TF: variants seen among roughly 807,000 people sequenced by gnomAD.
The protein encoded by TF is serotransferrin.
A neutral mutation model predicts 82.4 loss-of-function variants in TF; 55 were observed. The observed-to-expected ratio is 0.67, with a 90% CI of 0.54 to 0.84. The LOEUF (loss-of-function observed/expected upper bound fraction) is 0.84. Ranked by LOEUF, TF falls within the 40% of genes least tolerant of loss-of-function variation. The pLI is 0.00. For missense variants in TF, 737 were observed against 868.4 expected, an observed-to-expected ratio of 0.85 and a Z score of 1.90; for synonymous variants, 332 against 332.6, an observed-to-expected ratio of 1.00 and a Z score of 0.02.
Position 133,784,473 on chromosome 3 carries a change from ATAATAATAATAAT to A in TF, c.*5854_*5866del, listed in dbSNP as rs1934603009. The A allele has an allele frequency of 7.4e-6, 1 of 135,714 alleles. No homozygotes were observed. Among genetic ancestry groups the A allele is most frequent in the African/African-American group, 2.7e-5 (1 of 37,056 alleles). 8.4% of individuals were successfully genotyped at this position (135,714 alleles called of 1,614,324 possible). A position where few individuals can be genotyped will look rare whatever the true frequency, so the allele number is the denominator to read the frequency against. On this transcript the variant is annotated 3_prime_UTR_variant, in exon 17 of 17. Transcript: ENST00000402696. ...TTGTAAATTCCCATTTGTTAAAAAA[ATAATAATAATAAT>A]AATAATAATAATAATAATAATAGGA...
chr3:133,700,732 G>A, the TF span: 2 of 152,464 alleles, frequency 1.3e-5, no homozygotes, highest in South Asian at 2.1e-4. Flanking sequence ...CCCTCACCAT[G>A]AGCCAGGGAT....
At chr3:133,663,865 A>C in the TF span, among the ~76,000 whole-genome samples, 2 of 152,110 alleles carry the variant, frequency 1.3e-5, no homozygotes, top group Non-Finnish European at 2.9e-5. Flanking sequence ...AAGAAAATGC[A>C]CCCTTTAGCT....
chr3:133,758,045 C>G lies in TF; in HGVS notation c.1048+99C>G. 3 of 1,131,588 alleles carry G rather than the reference C, an allele frequency of 2.7e-6. No individual in the cohort carries two copies. In the Admixed American group the frequency reaches 6.3e-5, roughly 24 times the overall value. 70.1% of individuals were successfully genotyped at this position (1,131,588 alleles called of 1,614,324 possible). ...TCTTTTCAGGGACCTGCACGCCTCTCCTGATGCTCCTTTTTCTGACCTGTC... is the reference window on the plus strand; with the variant it reads ...TCTTTTCAGGGACCTGCACGCCTCTGCTGATGCTCCTTTTTCTGACCTGTC... On this transcript the variant is annotated intron_variant, in intron 8 of 16. Transcript: ENST00000402696.
upstream of TF, chr3:133,745,945 T>TC (rs778192347): frequency 1.6e-4 from 31 of 188,292 alleles, no homozygotes; most frequent in Admixed American, 5.4e-4. Flanking sequence ...TCCTGCATCC[T>TC]CCCCCAAAAG....
Position 133,790,284 on chromosome 3 carries a change from T to A in TF, c.*11664T>A, listed in dbSNP as rs1035446823. The A allele has an allele frequency of 9.8e-5, 15 of 152,372 alleles. No homozygotes were observed. The highest frequency in any genetic ancestry group is 3.6e-4 in the African/African-American group (15 of 41,594). 9.4% of individuals were successfully genotyped at this position (152,372 alleles called of 1,614,324 possible). ...TTGTTCTTAACTATAAATTCCCATA[T>A]CTGATAGTTCAGGATTTCTAGCTTT... is the stretch of plus-strand genomic sequence containing the variant. On this transcript the variant is annotated 3_prime_UTR_variant, in exon 17 of 17. Coordinates refer to ENST00000402696, the MANE Select transcript of TF (RefSeq NM_001063.4).
At chr3:133,729,958 A>C in the TF span, among the ~76,000 whole-genome samples, 1 of 152,052 alleles carries the variant, frequency 6.6e-6, no homozygotes, top group Non-Finnish European at 1.5e-5. Flanking sequence ...ATTTCTTTTC[A>C]GGTATTTTGT....
At chr3:133,751,132 A>C (rs541695211) in intron 2 of TF, among the ~76,000 whole-genome samples, 1 of 152,354 alleles carries the variant, frequency 6.6e-6, no homozygotes, top group Non-Finnish European at 1.5e-5. Flanking sequence ...TTAGCCTTAA[A>C]AATAAATGAA....
the TF span, among the ~76,000 whole-genome samples, chr3:133,695,720 T>C: frequency 6.6e-6 from 1 of 152,160 alleles, no homozygotes; most frequent in East Asian, 1.9e-4. Flanking sequence ...TTTAACACAG[T>C]TGGACTTGTG....
At chr3:133,768,571 G>A (rs1173500381) in intron 13 of TF, among the ~76,000 whole-genome samples, 1 of 152,082 alleles carries the variant, frequency 6.6e-6, no homozygotes, top group African/African-American at 2.4e-5. Context: ...CCAGCCCCAA[G>A]TGTCACTAGT....
At chr3:133,667,820 T>C in the TF span, among the ~76,000 whole-genome samples, 1 of 152,224 alleles carries the variant, frequency 6.6e-6, no homozygotes, top group African/African-American at 2.4e-5. Context: ...CCTAAGAGGC[T>C]GTCATGACAT....
chr3:133,753,799 T>C, intron 3 of TF, 96 bp downstream of exon 3: 2 of 974,728 alleles, frequency 2.1e-6, no homozygotes, highest in Non-Finnish European at 1.7e-6. Context: ...TCAGATATAA[T>C]GAACATTCAT....
chr3:133,696,053 T>A, the TF span, among the ~76,000 whole-genome samples: 5 of 152,018 alleles, frequency 3.3e-5, no homozygotes, highest in Non-Finnish European at 7.4e-5. Flanking sequence ...ACAAGAAGGG[T>A]GAGTATGGTA....
the TF span, among the ~76,000 whole-genome samples, chr3:133,673,272 C>A: frequency 3.3e-5 from 5 of 152,098 alleles, no homozygotes; most frequent in Non-Finnish European, 5.9e-5. Flanking sequence ...CAAAACTGAC[C>A]TTATTCATAT....
intron 13 of TF, among the ~76,000 whole-genome samples, chr3:133,769,883 T>C (rs1934217027): frequency 6.6e-6 from 1 of 152,208 alleles, no homozygotes; most frequent in Non-Finnish European, 1.5e-5. Context: ...ATTTCTTTTC[T>C]GAAACTTCTT....
the TF span, among the ~76,000 whole-genome samples, chr3:133,697,642 G>C: frequency 3.9e-5 from 6 of 152,310 alleles, no homozygotes; most frequent in East Asian, 5.8e-4. Flanking sequence ...GGCTGCTGCT[G>C]CCCCCCTGGG....
chr3:133,672,459 TAA>T, the TF span, among the ~76,000 whole-genome samples: 40 of 107,382 alleles, frequency 3.7e-4, no homozygotes, highest in African/African-American at 8.1e-4. Context: ...CAAAAAATCC[TAA>T]AAAAAAAAAA....
chr3:133,706,814 T>A, the TF span, among the ~76,000 whole-genome samples: 40 of 152,108 alleles, frequency 2.6e-4, no homozygotes, highest in African/African-American at 8.2e-4. Context: ...GCCACTGGAG[T>A]GCAAAGTTGA....
chr3:133,678,771 G>A, the TF span, among the ~76,000 whole-genome samples: 3 of 152,164 alleles, frequency 2.0e-5, no homozygotes, highest in African/African-American at 7.2e-5. Flanking sequence ...CCCTTTGTCA[G>A]ATGGATAGGT....
At chr3:133,675,755 C>T in the TF span, among the ~76,000 whole-genome samples, 2 of 152,186 alleles carry the variant, frequency 1.3e-5, no homozygotes, top group African/African-American at 4.8e-5. Context: ...GCTATGTGCC[C>T]TGAGTGCTTT....
Sources: allele counts gnomAD v4.1 joint callset (sites outside exome capture counted in the v4.1 genomes callset), GRCh38; gene constraint gnomAD v4.1.1; transcripts MANE v1.5; gene names NCBI Gene and HGNC (gene_info 2026-07-23, HGNC 2026-07-21).